The following RNLS variants were observed in gnomAD, a reference collection of about 807,000 sequenced individuals.
RNLS encodes renalase, FAD dependent amine oxidase.
Under a neutral mutation model 39.8 loss-of-function variants are expected in RNLS, and 39 were observed. The observed-to-expected ratio is 0.98, with a 90% confidence interval of 0.76 to 1.28. RNLS has a LOEUF of 1.28. RNLS is among the 50% of genes most tolerant of loss of function. The pLI, the probability that RNLS is intolerant of heterozygous loss-of-function variation, is 0.00. For missense variants in RNLS, 410 were observed against 413.3 expected, an observed-to-expected ratio of 0.99 and a Z score of 0.07; for synonymous variants, 147 against 150.7, an observed-to-expected ratio of 0.98 and a Z score of 0.18.
At chr10:88,391,183 C>T (rs569214923) in intron 4 of RNLS, among the ~76,000 whole-genome samples, 60 of 152,178 alleles carry the variant, frequency 3.9e-4, no homozygotes, top group African/African-American at 1.4e-3. Flanking sequence ...TGTAGTTGTC[C>T]CCAAGCATTT....
the RNLS span, among the ~76,000 whole-genome samples, chr10:88,193,630 A>G: frequency 2.6e-5 from 4 of 152,198 alleles, no homozygotes; most frequent in East Asian, 7.7e-4. Context: ...TCCCATGCCT[A>G]CCTAGTCTCC....
At chr10:88,193,126 A>T in the RNLS span, among the ~76,000 whole-genome samples, 1 of 152,166 alleles carries the variant, frequency 6.6e-6, no homozygotes, top group Non-Finnish European at 1.5e-5. Context: ...ACCTGCAAAC[A>T]ATCACATCTC....
chr10:88,499,527 TTTTTA>T (rs1289151282), intron 4 of RNLS, among the ~76,000 whole-genome samples: 16 of 152,270 alleles, frequency 1.1e-4, no homozygotes, highest in African/African-American at 3.4e-4. Context: ...CAGATCTGGC[TTTTTA>T]TTTTATTTTA....
chr10:88,399,581 C>G (rs1852789662), intron 4 of RNLS, among the ~76,000 whole-genome samples: 1 of 151,864 alleles, frequency 6.6e-6, no homozygotes, highest in African/African-American at 2.4e-5. Context: ...TAGGCAAATG[C>G]ATAGAAACAG....
At chr10:88,266,737 CCCA>C in the RNLS span, among the ~76,000 whole-genome samples, 43 of 141,886 alleles carry the variant, frequency 3.0e-4, no homozygotes, top group Non-Finnish European at 5.4e-4. Flanking sequence ...ACACACACAC[CCCA>C]CACACACCAC....
At chr10:88,524,185 C>G (rs1204904469) in intron 4 of RNLS, among the ~76,000 whole-genome samples, 1 of 152,064 alleles carries the variant, frequency 6.6e-6, no homozygotes, top group Non-Finnish European at 1.5e-5. Flanking sequence ...AGGCAGTGCC[C>G]CCTGATGGCT....
chr10:88,436,211 T>G (rs1841401399), intron 4 of RNLS, among the ~76,000 whole-genome samples: 1 of 152,156 alleles, frequency 6.6e-6, no homozygotes, highest in Non-Finnish European at 1.5e-5. Flanking sequence ...GGGCTCATTC[T>G]GAGTTCTGAT....
intron 6 of RNLS, among the ~76,000 whole-genome samples, chr10:88,285,991 C>A (rs750175403): frequency 1.3e-5 from 2 of 152,052 alleles, no homozygotes; most frequent in Non-Finnish European, 2.9e-5. Flanking sequence ...GCCAGAGGTG[C>A]CATCTATGAG....
chr10:88,307,107 G>T (rs1295333899), intron 6 of RNLS, among the ~76,000 whole-genome samples: 1 of 152,134 alleles, frequency 6.6e-6, no homozygotes, highest in Non-Finnish European at 1.5e-5. Context: ...AAAGGTTTTT[G>T]ATAAAATTCA....
At chr10:88,270,923 T>G (rs1163974068), downstream of RNLS, among the ~76,000 whole-genome samples, 2 of 152,170 alleles carry the variant, frequency 1.3e-5, no homozygotes, top group Non-Finnish European at 2.9e-5. Flanking sequence ...ATGTCTCAAG[T>G]TTCTAGAGAG....
At chr10:88,173,032 A>AT in the RNLS span, among the ~76,000 whole-genome samples, 2 of 149,764 alleles carry the variant, frequency 1.3e-5, no homozygotes, top group South Asian at 2.1e-4. Flanking sequence ...AATTTTTTGT[A>AT]TTTTTTTAGT....
At chr10:88,185,524 A>C in the RNLS span, among the ~76,000 whole-genome samples, 215 of 152,314 alleles carry the variant, frequency 1.4e-3, no homozygotes, top group African/African-American at 5.0e-3. Context: ...TCTTCTACTT[A>C]GTACATTCCA....
At chr10:88,238,791 C>A in the RNLS span, among the ~76,000 whole-genome samples, 2 of 152,168 alleles carry the variant, frequency 1.3e-5, no homozygotes, top group Admixed American at 6.5e-5. Flanking sequence ...ATTTTTTCTG[C>A]TTAAAGCTCT....
intron 4 of RNLS, among the ~76,000 whole-genome samples, chr10:88,387,379 G>C (rs908810246): frequency 2.6e-5 from 4 of 151,992 alleles, no homozygotes; most frequent in Non-Finnish European, 5.9e-5. Context: ...AAGGAATAGA[G>C]AGCTCTGATT....
At chr10:88,288,457 A>T (rs1007616198) in intron 6 of RNLS, among the ~76,000 whole-genome samples, 3 of 152,170 alleles carry the variant, frequency 2.0e-5, no homozygotes, top group Non-Finnish European at 2.9e-5. Flanking sequence ...TCACATCAAT[A>T]GAATAAAGCA....
At chr10:88,409,690 G>A (rs1853537893) in intron 4 of RNLS, among the ~76,000 whole-genome samples, 1 of 152,112 alleles carries the variant, frequency 6.6e-6, no homozygotes, top group Non-Finnish European at 1.5e-5. Context: ...ACATGGTGGT[G>A]AGTAAGAAAC....
intron 4 of RNLS, among the ~76,000 whole-genome samples, chr10:88,440,783 T>C (rs1002981883): frequency 3.9e-5 from 6 of 152,216 alleles, no homozygotes; most frequent in East Asian, 1.9e-4. Flanking sequence ...ACTAGACCAG[T>C]TGCAGTCACT....
At chr10:88,199,538 A>T in the RNLS span, among the ~76,000 whole-genome samples, 1 of 152,176 alleles carries the variant, frequency 6.6e-6, no homozygotes, top group Admixed American at 6.5e-5. Flanking sequence ...TGGTACTCAG[A>T]GGTGCTGGGA....
rs114231964 is a variant in RNLS at position 88,314,644 on chromosome 10, G to A, written c.701-3C>T. The A allele has an allele frequency of 0.011, 17,509 of 1,612,272 alleles. 902 individuals are homozygous for A. Among genetic ancestry groups the A allele is most frequent in the South Asian group, 0.099 (8,935 of 90,710 alleles). On this transcript the variant is annotated splice_region_variant and splice_polypyrimidine_tract_variant and intron_variant, in intron 5 of 6. Transcript: ENST00000331772. ...GGAAGGCCCAATTTCTGATGACTCT[G>A]TGGCATAAGAGGATCATAAAGATGC...
Sources: gnomAD v4.1 joint callset for allele counts (sites outside exome capture counted in the v4.1 genomes callset) on GRCh38, gnomAD v4.1.1 for gene constraint, MANE v1.5 for transcripts, NCBI Gene and HGNC (gene_info 2026-07-23, HGNC 2026-07-21) for gene names.